INTS4: variants seen among roughly 807,000 people sequenced by gnomAD.
INTS4 encodes the protein integrator complex subunit 4, also known as MSTP093.
Under a neutral mutation model 119.5 loss-of-function variants are expected in INTS4, and 70 were observed. That is an observed-to-expected ratio of 0.59 (90% CI 0.48 to 0.71). The LOEUF (loss-of-function observed/expected upper bound fraction) is 0.71, where lower values mean the gene tolerates loss of function less well. Ranked by LOEUF, INTS4 falls within the 30% of genes least tolerant of loss-of-function variation. The probability of loss-of-function intolerance (pLI) is 0.00; values close to 1 mark genes in which losing one functional copy is unlikely to be tolerated. For synonymous variants in INTS4, 316 were observed against 419.6 expected (o/e 0.75, Z 3.02); for missense variants, 867 against 1,173.2 (o/e 0.74, Z 3.81).
At position 77,898,023 on chromosome 11, in the gene INTS4, G is replaced by A. The variant is rs370494680; in HGVS notation, c.2228+3398C>T. Among the ~76,000 whole-genome samples, 39 of 152,096 alleles carry A rather than the reference G, an allele frequency of 2.6e-4. 1 individual carries two copies. In the South Asian group the frequency reaches 7.9e-3, roughly 31 times the overall value. On this transcript the variant is annotated intron_variant, in intron 18 of 22. Transcript: ENST00000534064. ...AGACAGGGTCTCATTATGTTGCTTA[G>A]GCTGGGGTCAAACTCCTGGCTGGAC... is the stretch of plus-strand genomic sequence containing the variant.
chr11:77,901,646 T>C, intron 17 of INTS4, 95 bp from the exon 18 acceptor site: 10 of 892,642 alleles, frequency 1.1e-5, no homozygotes, highest in South Asian at 3.1e-5. Context: ...TAGGTGAAAC[T>C]CTTAACTGAG....
chr11:77,926,464 AC>A (rs1261631909), intron 11 of INTS4, among the ~76,000 whole-genome samples: 8 of 152,278 alleles, frequency 5.3e-5, no homozygotes, highest in Admixed American at 2.6e-4. Context: ...GCAAACACTT[AC>A]CGAGCACCTA....
At chr11:77,920,162 C>CAT (rs1953305433) in intron 14 of INTS4, among the ~76,000 whole-genome samples, 1 of 94,634 alleles carries the variant, frequency 1.1e-5, no homozygotes, top group African/African-American at 3.8e-5. Context: ...TATATATACA[C>CAT]ATATATATAC....
chr11:77,918,572 T>TA (rs1953263096), intron 15 of INTS4: 1 of 389,078 alleles, frequency 2.6e-6, no homozygotes, highest in African/African-American at 2.0e-5. Context: ...ATTAAAAAAC[T>TA]AAAAACAGGT....
intron 21 of INTS4, among the ~76,000 whole-genome samples, chr11:77,887,236 G>T (rs1193141759): frequency 6.6e-6 from 1 of 152,156 alleles, no homozygotes; most frequent in Non-Finnish European, 1.5e-5. Flanking sequence ...GATCAAGTGG[G>T]CTTCATCCCT....
At chr11:77,924,479 G>C (rs1241774726) in intron 12 of INTS4, 5 of 338,904 alleles carry the variant, frequency 1.5e-5, no homozygotes, top group Non-Finnish European at 2.2e-5. Context: ...ACTTGTAACA[G>C]CTACCACAAG....
At chr11:77,984,255 G>A (rs976270813) in intron 2 of INTS4, among the ~76,000 whole-genome samples, 17 of 152,148 alleles carry the variant, frequency 1.1e-4, no homozygotes, top group Admixed American at 2.6e-4. Flanking sequence ...CACCTTGGGA[G>A]GCCAAGGCAG....
intron 13 of INTS4, 123 bp downstream of exon 13, chr11:77,922,228 CAAAAA>C (rs59175717): frequency 4.9e-4 from 506 of 1,040,286 alleles, no homozygotes; most frequent in East Asian, 1.3e-3. Flanking sequence ...ACTCTGTCTT[CAAAAA>C]AAAAAAAAAA....
Position 77,924,873 on chromosome 11 carries a change from C to T in INTS4, c.1391G>A (p.Arg464Gln), listed in dbSNP as rs1185518752. 51 of 1,598,652 alleles carry T rather than the reference C, an allele frequency of 3.2e-5. No homozygotes were observed. Among genetic ancestry groups the T allele is most frequent in the Non-Finnish European group, 3.9e-5 (45 of 1,168,302 alleles). The change falls in exon 12 of 23, where the codon CGA (arginine) becomes CAA (glutamine). Residue 464 changes from arginine (R) to glutamine (Q), a missense_variant. Transcript: ENST00000534064. ...GCATAAGAGTTCATGAAGAGCCTCTCGAATATCTCTGGATGAATCCTTTTA... is the reference window on the plus strand; with the variant it reads ...GCATAAGAGTTCATGAAGAGCCTCTTGAATATCTCTGGATGAATCCTTTTA... The part of the protein sequence containing the change: ...AVLEDSSRDI[R>Q]EALHELLCCT...
intron 8 of INTS4, among the ~76,000 whole-genome samples, chr11:77,951,960 T>C (rs1363999813): frequency 5.9e-5 from 9 of 152,060 alleles, no homozygotes; most frequent in East Asian, 1.9e-4. Context: ...AAAACCATAA[T>C]GAGATACCAT....
At chr11:77,953,067 G>A (rs866995476) in intron 8 of INTS4, among the ~76,000 whole-genome samples, 1 of 152,302 alleles carries the variant, frequency 6.6e-6, no homozygotes, top group African/African-American at 2.4e-5. Context: ...CTATGCACAA[G>A]AGTGGAAATA....
At chr11:77,881,724 G>A (rs533520888) in intron 22 of INTS4, among the ~76,000 whole-genome samples, 11 of 152,294 alleles carry the variant, frequency 7.2e-5, no homozygotes. Flanking sequence ...AGATACAGAG[G>A]CAAAGACAAG....
chr11:77,937,573 G>A (rs1371238170), intron 10 of INTS4, among the ~76,000 whole-genome samples: 1 of 152,010 alleles, frequency 6.6e-6, no homozygotes, highest in Non-Finnish European at 1.5e-5. Context: ...GGGAGGCCCT[G>A]TCTCTACAAA....
rs560554731 is a variant in INTS4 at position 77,888,664 on chromosome 11, T to C, written c.2592+2655A>G. On this transcript the variant is annotated intron_variant, in intron 21 of 22. Coordinates refer to ENST00000534064, the MANE Select transcript of INTS4 (RefSeq NM_033547.4). ...CATACAAAATGGGAGAAAATTTTCG[T>C]AACCTACTCATCTGACAAAGGGCTA... Among the ~76,000 whole-genome samples the C allele has an allele frequency of 7.7e-3, 1,160 of 151,478 alleles. 18 individuals are homozygous for C. Among genetic ancestry groups the C allele is most frequent in the African/African-American group, 0.025 (1,030 of 40,882 alleles).
Position 77,918,876 on chromosome 11 carries a change from T to G in INTS4, c.1867A>C (p.Ser623Arg). 1 of 1,613,982 alleles carries G rather than the reference T, an allele frequency of 6.2e-7. No homozygotes were observed. The highest frequency in any genetic ancestry group is 8.5e-7 in the Non-Finnish European group (1 of 1,179,878). Residue 623 changes from serine (S) to arginine (R), a missense_variant, in exon 15 of 23, where the codon AGT becomes CGT. By Grantham distance (110) the Ser-to-Arg change is moderately radical (BLOSUM62 -1). Coordinates refer to ENST00000534064, the MANE Select transcript of INTS4 (RefSeq NM_033547.4). ...CCCTGAGGGTCCAAGTGCTGAAGAC[T>G]ATACACTCTTTCAAGGCTCTGCTGC... ...FLQQSLERVY[S>R]LQHLDPQGAQ...
At chr11:77,904,703 T>C (rs910718007) in intron 16 of INTS4, among the ~76,000 whole-genome samples, 1 of 152,196 alleles carries the variant, frequency 6.6e-6, no homozygotes, top group Non-Finnish European at 1.5e-5. Flanking sequence ...TTGACAGTTG[T>C]AGTCAGAAAG....
At chr11:77,919,711 C>T (rs2136475464) in intron 14 of INTS4, among the ~76,000 whole-genome samples, 1 of 152,252 alleles carries the variant, frequency 6.6e-6, no homozygotes, top group East Asian at 1.9e-4. Context: ...TGGCCTAGCC[C>T]TACAGATATA....
intron 15 of INTS4, among the ~76,000 whole-genome samples, chr11:77,914,073 C>A (rs1377268942): frequency 6.6e-6 from 1 of 152,210 alleles, no homozygotes; most frequent in African/African-American, 2.4e-5. Context: ...CAAATTACTT[C>A]ATGTCTGCAA....
At chr11:77,963,671 C>T (rs2136593723) in intron 4 of INTS4, among the ~76,000 whole-genome samples, 1 of 152,190 alleles carries the variant, frequency 6.6e-6, no homozygotes, top group Non-Finnish European at 1.5e-5. Flanking sequence ...CTGATCCATT[C>T]AGCATCGATA....
Sources: allele counts gnomAD v4.1 joint callset (sites outside exome capture counted in the v4.1 genomes callset), GRCh38; gene constraint gnomAD v4.1.1; transcripts MANE v1.5; gene names NCBI Gene and HGNC (gene_info 2026-07-23, HGNC 2026-07-21).